The following CLASP1 variants were observed in gnomAD, a reference collection of about 807,000 sequenced individuals.
CLASP1 encodes cytoplasmic linker associated protein 1, also known as CLIP-associating protein 1.
A neutral mutation model predicts 192.3 loss-of-function variants in CLASP1; 38 were observed. The ratio of observed to expected loss-of-function variants is 0.20; its 90% CI spans 0.15 to 0.26. The LOEUF (loss-of-function observed/expected upper bound fraction) is 0.26. CLASP1 is among the 10% of genes least tolerant of loss of function. CLASP1 has a pLI of 1.00. For synonymous variants in CLASP1, 691 were observed against 712.8 expected (o/e 0.97, Z 0.49); for missense variants, 1,433 against 1,932.5 (o/e 0.74, Z 4.85).
At chr2:121,491,193 G>C (rs146993645) in intron 8 of CLASP1, among the ~76,000 whole-genome samples, 1 of 152,264 alleles carries the variant, frequency 6.6e-6, no homozygotes, top group East Asian at 1.9e-4. Context: ...GCAACAAAAT[G>C]ATACCCTGTA....
intron 34 of CLASP1, among the ~76,000 whole-genome samples, chr2:121,370,044 A>G (rs754724900): frequency 2.6e-5 from 4 of 152,198 alleles, no homozygotes; most frequent in Admixed American, 1.3e-4. Flanking sequence ...GAACCTTGAT[A>G]TAAGTCTGCT....
intron 39 of CLASP1, among the ~76,000 whole-genome samples, chr2:121,341,659 G>C (rs572669782): frequency 3.2e-4 from 48 of 152,266 alleles, no homozygotes; most frequent in African/African-American, 1.1e-3. Context: ...ACAAAACAGA[G>C]TTGACATCAA....
At chr2:121,515,673 T>C (rs1221054245) in exon 7 of CLASP1, 3 of 1,613,708 alleles carry the variant, frequency 1.9e-6, no homozygotes, top group Non-Finnish European at 1.7e-6. Context: ...ACCGGGACTG[T>C]GGCAATCCTT....
At chr2:121,486,040 C>T (rs79709538) in intron 8 of CLASP1, among the ~76,000 whole-genome samples, 5,071 of 152,246 alleles carry the variant, frequency 0.033, 115 homozygotes, top group Middle Eastern at 0.061. Flanking sequence ...GAAGTGCATT[C>T]TAAGTGAGAA....
At chr2:121,348,895 G>C (rs2063816355) in intron 37 of CLASP1, among the ~76,000 whole-genome samples, 177 bp from the exon 39 acceptor site, 1 of 152,154 alleles carries the variant, frequency 6.6e-6, no homozygotes, top group Admixed American at 6.5e-5. Context: ...TTTTAAAGGG[G>C]AGCGTGGGCC....
chr2:121,638,050 C>A (rs2071236423), intron 1 of CLASP1, among the ~76,000 whole-genome samples: 2 of 151,878 alleles, frequency 1.3e-5, no homozygotes, highest in Non-Finnish European at 2.9e-5. Context: ...AAAATATTTG[C>A]AAATCATATA....
intron 1 of CLASP1, among the ~76,000 whole-genome samples, chr2:121,617,529 A>C (rs2066666180): frequency 6.6e-6 from 1 of 152,100 alleles, no homozygotes; most frequent in African/African-American, 2.4e-5. Context: ...TGCTCACTCC[A>C]CAAGAGCAGC....
chr2:121,416,107 A>G (rs1313759682), intron 23 of CLASP1, among the ~76,000 whole-genome samples: 1 of 152,222 alleles, frequency 6.6e-6, no homozygotes, highest in African/African-American at 2.4e-5. Context: ...ATAGTTTTTA[A>G]GCAGTACCTG....
chr2:121,536,186 C>T (rs1388867955), intron 2 of CLASP1, among the ~76,000 whole-genome samples: 3 of 150,706 alleles, frequency 2.0e-5, no homozygotes, highest in Admixed American at 6.6e-5. Flanking sequence ...TCGAGACCAT[C>T]CTGGCTAACA....
chr2:121,478,852 AC>A (rs2092176928), intron 8 of CLASP1, among the ~76,000 whole-genome samples: 1 of 98,110 alleles, frequency 1.0e-5, no homozygotes, highest in African/African-American at 4.4e-5. Flanking sequence ...CACACACCAC[AC>A]ACCACACCAC....
chr2:121,498,959 A>AGGTTGCT (rs1299908454), intron 8 of CLASP1, among the ~76,000 whole-genome samples: 2 of 152,250 alleles, frequency 1.3e-5, no homozygotes, highest in African/African-American at 4.8e-5. Context: ...AAACTCTTAC[A>AGGTTGCT]GGTTGCTGGT....
intron 39 of CLASP1, 35 bp downstream of exon 40, chr2:121,347,003 G>T: frequency 1.5e-6 from 2 of 1,309,158 alleles, no homozygotes; most frequent in Non-Finnish European, 2.2e-6. Flanking sequence ...GCAGAGCCCA[G>T]GTGTGCGTAT....
chr2:121,570,129 T>C (rs1472085363), intron 2 of CLASP1, among the ~76,000 whole-genome samples: 6 of 152,232 alleles, frequency 3.9e-5, no homozygotes, highest in African/African-American at 1.4e-4. Flanking sequence ...TGCACTCACT[T>C]CTTTCCAAGA....
intron 30 of CLASP1, among the ~76,000 whole-genome samples, chr2:121,395,750 T>C (rs1416848015): frequency 6.6e-6 from 1 of 152,128 alleles, no homozygotes; most frequent in African/African-American, 2.4e-5. Context: ...TTGAAGGAAG[T>C]TGCCCAGGGT....
chr2:121,497,929 G>C (rs2150203555), intron 8 of CLASP1, among the ~76,000 whole-genome samples: 1 of 152,226 alleles, frequency 6.6e-6, no homozygotes, highest in East Asian at 1.9e-4. Flanking sequence ...GCTTCACCAT[G>C]TTAGCCAGGA....
chr2:121,588,792 C>A (rs1469821056), intron 2 of CLASP1, among the ~76,000 whole-genome samples: 1 of 152,210 alleles, frequency 6.6e-6, no homozygotes, highest in African/African-American at 2.4e-5. Context: ...ATGATTCCCC[C>A]AGTGGTCACA....
intron 8 of CLASP1, among the ~76,000 whole-genome samples, chr2:121,474,559 A>G (rs1453909288): frequency 6.6e-6 from 1 of 152,014 alleles, no homozygotes; most frequent in African/African-American, 2.4e-5. Context: ...ACACGGTGAA[A>G]CCCCGTCTCT....
At chr2:121,612,007 A>G (rs1206474206) in intron 1 of CLASP1, among the ~76,000 whole-genome samples, 13 of 117,038 alleles carry the variant, frequency 1.1e-4, no homozygotes, top group East Asian at 5.9e-4. Context: ...GGAGGAGGAG[A>G]AGGAGTTACA....
At chr2:121,485,537 T>A (rs1396156906) in intron 8 of CLASP1, among the ~76,000 whole-genome samples, 2 of 151,622 alleles carry the variant, frequency 1.3e-5, no homozygotes, top group Non-Finnish European at 2.9e-5. Context: ...CTTCCAATTG[T>A]GTGTGTGTGT....
Sources: allele counts gnomAD v4.1 joint callset (sites outside exome capture counted in the v4.1 genomes callset), GRCh38; gene constraint gnomAD v4.1.1; transcripts MANE v1.5; gene names NCBI Gene and HGNC (gene_info 2026-07-23, HGNC 2026-07-21).